CHLSN: variants seen among roughly 807,000 people sequenced by gnomAD.
CHLSN encodes the protein protein cholesin.
chr7:988,633 A>G, the CHLSN span: 1 of 1,601,444 alleles, frequency 6.2e-7, no homozygotes, highest in Non-Finnish European at 8.5e-7. Context: ...CATCCCCCGC[A>G]GGCCGCCGCG....
chr7:1,022,906 C>T, the CHLSN span: 298 of 417,164 alleles, frequency 7.1e-4, 1 homozygote, highest in African/African-American at 5.9e-3. Flanking sequence ...GACGTCTCCG[C>T]GGCGAGCTGG....
At chr7:1,092,069 T>C in the CHLSN span, 3 of 1,613,920 alleles carry the variant, frequency 1.9e-6, no homozygotes, top group East Asian at 2.2e-5. Context: ...GACTCCCTCA[T>C]TGAGGTGTTC....
chr7:1,009,992 G>A, the CHLSN span: 1 of 1,591,496 alleles, frequency 6.3e-7, no homozygotes, highest in East Asian at 2.3e-5. Flanking sequence ...CGAGCGCCTG[G>A]CAGGCGGGTG....
the CHLSN span, among the ~76,000 whole-genome samples, chr7:1,121,688 A>G: frequency 0.68 from 104,118 of 152,196 alleles, 36,795 homozygotes; most frequent in African/African-American, 0.86. Context: ...GTCACGCCAG[A>G]CGGGTTTACA....
At chr7:1,099,731 C>T in the CHLSN span, among the ~76,000 whole-genome samples, 8 of 152,340 alleles carry the variant, frequency 5.3e-5, no homozygotes, top group Admixed American at 2.0e-4. Flanking sequence ...GCTGCCTGGG[C>T]GTTGCCGTCT....
chr7:1,025,870 T>TG, the CHLSN span: 1 of 152,244 alleles, frequency 6.6e-6, no homozygotes, highest in Non-Finnish European at 1.5e-5. Context: ...CTGTGGCCAG[T>TG]GTCTGGCACA....
At chr7:1,098,876 G>C in the CHLSN span, among the ~76,000 whole-genome samples, 1 of 152,244 alleles carries the variant, frequency 6.6e-6, no homozygotes, top group Non-Finnish European at 1.5e-5. Context: ...GTTTCCCTGG[G>C]GGTGAAGAAA....
At chr7:1,085,368 C>T in the CHLSN span, among the ~76,000 whole-genome samples, 2 of 152,170 alleles carry the variant, frequency 1.3e-5, no homozygotes, top group African/African-American at 4.8e-5. Context: ...GTGTACAGGC[C>T]GAGACCATGT....
chr7:1,073,682 C>T, the CHLSN span, among the ~76,000 whole-genome samples: 4 of 148,298 alleles, frequency 2.7e-5, no homozygotes, highest in East Asian at 5.9e-4. Context: ...CGCCGTGACG[C>T]CCCCCACGAC....
At chr7:1,006,848 G>C in the CHLSN span, among the ~76,000 whole-genome samples, 1 of 152,278 alleles carries the variant, frequency 6.6e-6, no homozygotes, top group Admixed American at 6.5e-5. Flanking sequence ...CCTCTCCCCA[G>C]CCCTGCTGCA....
At chr7:1,016,927 C>A in the CHLSN span, among the ~76,000 whole-genome samples, 1 of 131,046 alleles carries the variant, frequency 7.6e-6, no homozygotes, top group East Asian at 2.1e-4. Flanking sequence ...CAGCAGCACA[C>A]AGCAGCACAC....
chr7:1,058,556 C>A, the CHLSN span: 2 of 746,434 alleles, frequency 2.7e-6, no homozygotes, highest in Non-Finnish European at 2.5e-6. Context: ...CTCTGGTGGA[C>A]GCAGAGCACT....
chr7:1,127,381 G>T, the CHLSN span: 1 of 1,604,064 alleles, frequency 6.2e-7, no homozygotes, highest in Non-Finnish European at 8.5e-7. Flanking sequence ...CTTCTGTTTT[G>T]CCATCCTGCA....
chr7:1,002,276 T>C, the CHLSN span, among the ~76,000 whole-genome samples: 14 of 107,560 alleles, frequency 1.3e-4, no homozygotes, highest in African/African-American at 4.5e-4. Flanking sequence ...TGGAGCCCTG[T>C]GGGTGAGTGG....
chr7:1,097,648 GC>G, the CHLSN span, among the ~76,000 whole-genome samples: 1 of 152,222 alleles, frequency 6.6e-6, no homozygotes, highest in Non-Finnish European at 1.5e-5. The surrounding 1 kb of genome is among the most constrained non-coding windows in gnomAD (Gnocchi z 4.3). Flanking sequence ...GCAGTGAGGT[GC>G]AGGGGACTGC....
At chr7:1,024,074 T>C in the CHLSN span, among the ~76,000 whole-genome samples, 3 of 152,180 alleles carry the variant, frequency 2.0e-5, no homozygotes, top group African/African-American at 7.2e-5. Context: ...GTGATCCTCC[T>C]TGCCGGCCTC....
chr7:986,437 C>T, the CHLSN span: 6 of 653,588 alleles, frequency 9.2e-6, no homozygotes, highest in African/African-American at 3.7e-5. Context: ...GGGACACGGA[C>T]AGGGGGTTTC....
the CHLSN span, among the ~76,000 whole-genome samples, chr7:1,086,105 C>T: frequency 2.0e-5 from 3 of 152,228 alleles, no homozygotes; most frequent in African/African-American, 4.8e-5. Flanking sequence ...ATCGGCCACT[C>T]GCCCGCCCAG....
chr7:1,058,310 C>T, the CHLSN span: 7 of 775,644 alleles, frequency 9.0e-6, no homozygotes, highest in South Asian at 6.7e-5. Context: ...GAGGGAAGCC[C>T]GTGGACGCAC....
Sources: allele counts gnomAD v4.1 joint callset (sites outside exome capture counted in the v4.1 genomes callset), GRCh38; gene constraint gnomAD v4.1.1; non-coding constraint Gnocchi (gnomAD v3.1); transcripts MANE v1.5; gene names NCBI Gene and HGNC (gene_info 2026-07-23, HGNC 2026-07-21).